RGS7: variants seen among roughly 807,000 people sequenced by gnomAD.
The protein encoded by RGS7 is regulator of G-protein signaling 7.
RGS7 carries 27 observed loss-of-function variants against 81.1 expected under a neutral mutation model. The ratio of observed to expected loss-of-function variants is 0.33; its 90% CI spans 0.25 to 0.46. The LOEUF (loss-of-function observed/expected upper bound fraction) is 0.46. RGS7 is among the 20% of genes least tolerant of loss of function. The pLI is 1.00. For synonymous variants in RGS7, 208 were observed against 207.7 expected (o/e 1.00, Z -0.01); for missense variants, 396 against 607.4 (o/e 0.65, Z 3.66).
chr1:241,097,264 A>C lies in RGS7; in HGVS notation c.175+1402T>G, dbSNP rs2064325605. Among the ~76,000 whole-genome samples, 4 of 152,002 alleles carry C rather than the reference A, an allele frequency of 2.6e-5. No individual in the cohort carries two copies. The South Asian group carries it at 8.3e-4, about 32-fold the overall frequency. On this transcript the variant is annotated intron_variant, in intron 3 of 18. Transcript: ENST00000440928. ...GAGGAGAAATGGAGTGAAGCCACAG[A>C]TGTAAAAAGTGCAAGGCATCATTGA...
At chr1:241,242,064 A>C (rs2148144989) in intron 2 of RGS7, among the ~76,000 whole-genome samples, 1 of 152,068 alleles carries the variant, frequency 6.6e-6, no homozygotes, top group East Asian at 1.9e-4. Context: ...CAAGCAGTAT[A>C]CACTGAACCC....
intron 2 of RGS7, among the ~76,000 whole-genome samples, chr1:241,291,028 T>G (rs867013720): frequency 5.3e-5 from 8 of 152,190 alleles, no homozygotes; most frequent in African/African-American, 1.7e-4. Context: ...CCCACCTCTT[T>G]TCTTGATTTA....
intron 14 of RGS7, among the ~76,000 whole-genome samples, chr1:240,809,285 A>G (rs1689426985): frequency 6.6e-6 from 1 of 152,214 alleles, no homozygotes; most frequent in Non-Finnish European, 1.5e-5. Context: ...ATCGAGAAAC[A>G]GTGCTTCTTA....
chr1:241,103,814 C>T (rs1242879731), intron 2 of RGS7, among the ~76,000 whole-genome samples: 3 of 152,192 alleles, frequency 2.0e-5, no homozygotes, highest in African/African-American at 7.2e-5. Flanking sequence ...GTCAAGGCTG[C>T]AGTGAGCTGT....
intron 9 of RGS7, among the ~76,000 whole-genome samples, chr1:240,834,722 AG>A (rs1193032812): frequency 3.3e-5 from 5 of 152,034 alleles, no homozygotes; most frequent in African/African-American, 1.2e-4. Flanking sequence ...CGTGTTAGCC[AG>A]GATGGTCTCC....
Position 241,270,751 on chromosome 1 carries a change from A to AC in RGS7, c.78+84947dup, listed in dbSNP as rs71568993. Among the ~76,000 whole-genome samples, 225 of 100,510 alleles carry AC rather than the reference A, an allele frequency of 2.2e-3. 1 individual carries two copies. Among genetic ancestry groups the AC allele is most frequent in the South Asian group, 0.013 (39 of 2,966 alleles). The allele number at this position is 100,510 out of a possible 152,430, so 65.9% of individuals were successfully genotyped here. A position where few individuals can be genotyped will look rare whatever the true frequency, so the allele number is the denominator to read the frequency against. On this transcript the variant is annotated intron_variant, in intron 2 of 18. Transcript: ENST00000440928. Reference sequence around the variant, plus strand: ...TATGAAGCAGTGTTCATAGAAATAAACCCCCCCCCCTTTTTTTTTTTCTTG... The same window carrying AC: ...TATGAAGCAGTGTTCATAGAAATAAACCCCCCCCCCCTTTTTTTTTTTCTTG...
At position 240,813,719 on chromosome 1, in the gene RGS7, A is replaced by G. The variant is rs1325426910; in HGVS notation, c.855T>C (p.Ser285=). 2 of 1,604,740 alleles carry G rather than the reference A, an allele frequency of 1.2e-6. No individual in the cohort carries two copies. The highest frequency in any genetic ancestry group is 2.2e-5 in the South Asian group (2 of 90,900). ...KMSKVADSLL[S]YTEQYLEYDP... ...CGTATTCTAAATACTGTTCCGTGTA[A>G]CTTAGTAGACTAAGGAGAAAAAACA... is the stretch of plus-strand genomic sequence containing the variant. The change falls in exon 13 of 19, where the codon AGT becomes AGC. Residue 285 remains serine (S), a synonymous_variant. Transcript: ENST00000440928.
intron 2 of RGS7, among the ~76,000 whole-genome samples, chr1:241,165,303 G>T (rs189273895): frequency 6.6e-6 from 1 of 152,046 alleles, no homozygotes; most frequent in Non-Finnish European, 1.5e-5. Context: ...GCTAGGGGTC[G>T]AGCACACAAT....
chr1:241,149,627 C>G (rs190483197), intron 2 of RGS7, among the ~76,000 whole-genome samples: 28 of 152,282 alleles, frequency 1.8e-4, no homozygotes, highest in Admixed American at 1.6e-3. Context: ...TTTAAACCAG[C>G]AGTAGCTGTT....
At chr1:240,973,216 T>C (rs1256876859) in intron 4 of RGS7, among the ~76,000 whole-genome samples, 1 of 152,108 alleles carries the variant, frequency 6.6e-6, no homozygotes, top group Non-Finnish European at 1.5e-5. Context: ...GATATGATAA[T>C]CAAGTAAAAT....
At chr1:240,929,770 C>T (rs1350747152) in intron 6 of RGS7, among the ~76,000 whole-genome samples, 4 of 152,204 alleles carry the variant, frequency 2.6e-5, no homozygotes. Flanking sequence ...TAAGATCCAG[C>T]TCAAATGGTA....
intron 10 of RGS7, among the ~76,000 whole-genome samples, chr1:240,823,780 C>T (rs1013834099): frequency 6.6e-6 from 1 of 152,080 alleles, no homozygotes; most frequent in Non-Finnish European, 1.5e-5. Flanking sequence ...GGAGTCAATG[C>T]CTTAATATAA....
At chr1:241,126,835 C>T (rs891495757) in intron 2 of RGS7, among the ~76,000 whole-genome samples, 3 of 149,620 alleles carry the variant, frequency 2.0e-5, no homozygotes, top group African/African-American at 7.5e-5. Context: ...GTCTAGGTGA[C>T]AGCATTGCCT....
intron 2 of RGS7, among the ~76,000 whole-genome samples, chr1:241,145,243 C>T (rs774466783): frequency 6.6e-6 from 1 of 152,022 alleles, no homozygotes; most frequent in African/African-American, 2.4e-5. Context: ...GTCTCGACCT[C>T]CTGCCCCTGT....
chr1:240,955,551 C>CAAAAAAAAAAA lies in RGS7; in HGVS notation c.227-18856_227-18846dup, dbSNP rs369155474. Among the ~76,000 whole-genome samples, 21 of 140,280 alleles carry CAAAAAAAAAAA rather than the reference C, an allele frequency of 1.5e-4. 1 individual carries two copies. Among genetic ancestry groups the CAAAAAAAAAAA allele is most frequent in the African/African-American group, 4.3e-4 (16 of 36,818 alleles). 92.0% of individuals were successfully genotyped at this position (140,280 alleles called of 152,430 possible). ...TGGGCGGCAGAGCAAGACTCTGTCT[C>CAAAAAAAAAAA]AAAAAAAAAAAAAAAAAAAAAAAAA... is the stretch of plus-strand genomic sequence containing the variant. On this transcript the variant is annotated intron_variant, in intron 4 of 18. Transcript: ENST00000440928.
intron 2 of RGS7, among the ~76,000 whole-genome samples, chr1:241,290,048 T>C (rs2079011959): frequency 1.3e-5 from 2 of 152,256 alleles, no homozygotes; most frequent in Admixed American, 1.3e-4. Flanking sequence ...CTACACTTTC[T>C]ATGTCAGTAT....
intron 18 of RGS7, among the ~76,000 whole-genome samples, chr1:240,780,998 A>G (rs1167707756): frequency 6.6e-6 from 1 of 151,310 alleles, no homozygotes; most frequent in African/African-American, 2.4e-5. Flanking sequence ...TTTTTATTTG[A>G]ACAATGACAT....
chr1:241,320,963 T>A (rs1211456946), intron 2 of RGS7, among the ~76,000 whole-genome samples: 1 of 152,170 alleles, frequency 6.6e-6, no homozygotes, highest in Non-Finnish European at 1.5e-5. Context: ...CAATGTTATG[T>A]GATTAGAATG....
At chr1:240,859,705 T>C (rs1326219342) in intron 9 of RGS7, among the ~76,000 whole-genome samples, 3 of 152,108 alleles carry the variant, frequency 2.0e-5, no homozygotes, top group African/African-American at 4.8e-5. Flanking sequence ...GCCATTCTCA[T>C]TGATACCTGC....
Sources: allele counts gnomAD v4.1 joint callset (sites outside exome capture counted in the v4.1 genomes callset), GRCh38; gene constraint gnomAD v4.1.1; transcripts MANE v1.5; gene names NCBI Gene and HGNC (gene_info 2026-07-23, HGNC 2026-07-21).